The following COP1 variants were observed in gnomAD, a reference collection of about 807,000 sequenced individuals.
COP1 encodes the protein COP1 E3 ubiquitin ligase.
In COP1, 24 loss-of-function variants were observed where a neutral mutation model predicts 101.3. The observed-to-expected ratio is 0.24, with a 90% CI of 0.17 to 0.33. COP1 has a LOEUF of 0.33. Among genes scored for constraint, COP1 ranks in the 10% least tolerant of loss-of-function variants. The pLI is 1.00. For missense variants in COP1, 663 were observed against 906.2 expected, an observed-to-expected ratio of 0.73 and a Z score of 3.45; for synonymous variants, 347 against 341.9, an observed-to-expected ratio of 1.01 and a Z score of -0.17.
intron 11 of COP1, 74 bp from the exon 12 acceptor site, chr1:176,046,398 A>C (rs1036413213): frequency 7.2e-7 from 1 of 1,383,968 alleles, no homozygotes; most frequent in African/African-American, 1.5e-5. Flanking sequence ...TTCGGTCTAC[A>C]AGGATAAAAG....
chr1:176,181,679 A>G (rs1325165488), intron 2 of COP1, among the ~76,000 whole-genome samples: 1 of 152,040 alleles, frequency 6.6e-6, no homozygotes, highest in Non-Finnish European at 1.5e-5. Context: ...GTCTCTACTA[A>G]AAGTACAAAA....
intron 11 of COP1, among the ~76,000 whole-genome samples, chr1:176,058,052 C>T (rs1239460971): frequency 2.5e-4 from 37 of 148,070 alleles, no homozygotes; most frequent in African/African-American, 8.1e-4. Context: ...GGAGGCCCTC[C>T]GCCCGGCAGC....
intron 14 of COP1, among the ~76,000 whole-genome samples, chr1:176,042,445 C>A (rs1289392901): frequency 6.7e-6 from 1 of 149,088 alleles, no homozygotes; most frequent in African/African-American, 2.5e-5. Flanking sequence ...TGGCTGTAAT[C>A]CCAGCCACTC....
rs1402238556 is a variant in COP1, at chr1:175,944,954, G to C, written c.*199C>G. 3 of 555,724 alleles carry C rather than the reference G, an allele frequency of 5.4e-6. No individual in the cohort carries two copies. The African/African-American group carries it at 6.0e-5, about 11-fold the overall frequency. 34.4% of individuals were successfully genotyped at this position (555,724 alleles called of 1,614,324 possible). On this transcript the variant is annotated 3_prime_UTR_variant, in exon 20 of 20. Transcript: ENST00000367669. Reference sequence around the variant, plus strand: ...TGTCCATGGAGTTACATTGATGGTGGAGAGTTGGCTGGGTATTCCCAATGT... The same window carrying C: ...TGTCCATGGAGTTACATTGATGGTGCAGAGTTGGCTGGGTATTCCCAATGT...
chr1:176,143,512 A>C lies in COP1; in HGVS notation c.831+5494T>G, dbSNP rs1691066728. ...ATTTCCCAACACATTTGATAAAGCTAGCATAATCTTTATAGCAAAACTGGA... is the reference window on the plus strand; with the variant it reads ...ATTTCCCAACACATTTGATAAAGCTCGCATAATCTTTATAGCAAAACTGGA... On this transcript the variant is annotated intron_variant, in intron 6 of 19. Transcript: ENST00000367669. 2.0e-5 allele frequency among the ~76,000 whole-genome samples: 3 copies of C among 152,296 alleles called. No individual in the cohort carries two copies. The South Asian group carries it at 6.2e-4, about 32-fold the overall frequency.
intron 11 of COP1, among the ~76,000 whole-genome samples, chr1:176,058,166 C>T (rs1272575115): frequency 1.6e-4 from 11 of 69,602 alleles, no homozygotes; most frequent in Admixed American, 5.9e-4. Flanking sequence ...CCCGGCCAGC[C>T]GCCCCGCCCG....
At chr1:176,162,798 A>G (rs1694534345) in intron 5 of COP1, 71 bp downstream of exon 5, 4 of 1,360,092 alleles carry the variant, frequency 2.9e-6, no homozygotes, top group Non-Finnish European at 4.0e-6. Context: ...TTATTTTTAA[A>G]CTTTCTACGT....
intron 1 of COP1, among the ~76,000 whole-genome samples, chr1:176,202,623 A>G (rs1318057828): frequency 6.6e-6 from 1 of 151,710 alleles, no homozygotes; most frequent in African/African-American, 2.4e-5. Context: ...GCTTGAGCCC[A>G]GGAGTTTGAG....
At chr1:176,130,984 C>T (rs1450680036) in intron 8 of COP1, among the ~76,000 whole-genome samples, 1 of 151,600 alleles carries the variant, frequency 6.6e-6, no homozygotes, top group Non-Finnish European at 1.5e-5. Context: ...AAGACTTCAC[C>T]CTAGGACCCT....
Position 176,099,503 on chromosome 1 carries a change from TTGTC to T in COP1, c.1027-13617_1027-13614del, listed in dbSNP as rs1258092287. On this transcript the variant is annotated intron_variant, in intron 9 of 19. Transcript: ENST00000367669. ...CCTGTGAAAAAAATTTGGAGCATAT[TTGTC>T]TCTCTCTCTCTCTCTCTCTCTCTCT... Among the ~76,000 whole-genome samples, 31 of 94,760 alleles carry T rather than the reference TTGTC, an allele frequency of 3.3e-4. No individual in the cohort carries two copies. In the East Asian group the frequency reaches 0.011, roughly 34 times the overall value. The allele number at this position is 94,760 out of a possible 152,430, so 62.2% of individuals were successfully genotyped here. A position where few individuals can be genotyped will look rare whatever the true frequency, so the allele number is the denominator to read the frequency against.
rs1368818018 is a variant in COP1, at chr1:176,146,500, GCTTT to G, written c.831+2502_831+2505del. The stretch of plus-strand genomic sequence containing the variant: ...ACTTCTGTCTTCAATATCCTCTCTT[GCTTT>G]CTTACTTGTTCCTTTTGAGAGGCAG... On this transcript the variant is annotated intron_variant, in intron 6 of 19. Transcript: ENST00000367669. Among the ~76,000 whole-genome samples the G allele has an allele frequency of 8.5e-5, 13 of 152,308 alleles. No individual in the cohort carries two copies. In the East Asian group the frequency reaches 2.1e-3, roughly 25 times the overall value.
rs560593515 is a variant in COP1 at position 176,201,943 on chromosome 1, T to G, written c.407+4629A>C. On this transcript the variant is annotated intron_variant, in intron 1 of 19. Coordinates refer to ENST00000367669, the MANE Select transcript of COP1 (RefSeq NM_022457.7). ...ATAAATGCTGGTTTATTCCAGTAAC[T>G]GAACATGCTTTTAACAGCTCTTTAA... is the stretch of plus-strand genomic sequence containing the variant. 4.6e-5 allele frequency among the ~76,000 whole-genome samples: 7 copies of G among 152,224 alleles called. 1 individual carries two copies. Among genetic ancestry groups the G allele is most frequent in the Non-Finnish European group, 8.8e-5 (6 of 68,026 alleles).
At chr1:176,086,382 C>T (rs182817061) in intron 9 of COP1, among the ~76,000 whole-genome samples, 261 of 151,994 alleles carry the variant, frequency 1.7e-3, no homozygotes, top group African/African-American at 6.0e-3. Flanking sequence ...CCCGCCACCA[C>T]GCCCAGCTAA....
chr1:176,141,896 A>T (rs1278240242), intron 6 of COP1, among the ~76,000 whole-genome samples: 1 of 151,846 alleles, frequency 6.6e-6, no homozygotes, highest in African/African-American at 2.4e-5. Flanking sequence ...ATGCTCCACG[A>T]ATTTTTTTTT....
chr1:176,070,417 C>T (rs926095923), intron 11 of COP1, among the ~76,000 whole-genome samples: 1 of 151,130 alleles, frequency 6.6e-6, no homozygotes, highest in Non-Finnish European at 1.5e-5. Context: ...AATCCCAGCA[C>T]TTTGGGAGGC....
At chr1:176,062,902 T>C (rs998437118) in intron 11 of COP1, among the ~76,000 whole-genome samples, 2 of 152,262 alleles carry the variant, frequency 1.3e-5, no homozygotes, top group Admixed American at 1.3e-4. Flanking sequence ...AAAGAACATA[T>C]ACTGTATGGT....
chr1:176,179,924 T>C (rs1239005461), intron 2 of COP1, among the ~76,000 whole-genome samples: 1 of 151,514 alleles, frequency 6.6e-6, no homozygotes, highest in Non-Finnish European at 1.5e-5. Flanking sequence ...GTTCAAGTGA[T>C]TTTTCTGCAT....
rs369887649 is a variant in COP1, at chr1:176,028,696, C to CATATATATATATATATATATAT, written c.1613-1030_1613-1009dup. 4.2e-3 allele frequency among the ~76,000 whole-genome samples: 201 copies of CATATATATATATATATATATAT among 47,842 alleles called. 12 individuals carry two copies. Among genetic ancestry groups the CATATATATATATATATATATAT allele is most frequent in the South Asian group, 9.2e-3 (8 of 874 alleles). The allele number at this position is 47,842 out of a possible 152,430, so 31.4% of individuals were successfully genotyped here. On this transcript the variant is annotated intron_variant, in intron 14 of 19. Coordinates refer to ENST00000367669, the MANE Select transcript of COP1 (RefSeq NM_022457.7). Reference sequence around the variant, plus strand: ...CTGGAGCTAGGTGGTATATTTGTTTCATATATATATATATATATATATATA... The same window carrying CATATATATATATATATATATAT: ...CTGGAGCTAGGTGGTATATTTGTTTCATATATATATATATATATATATATATATATATATATATATATATATA...
chr1:175,988,432 G>GT lies in COP1; in HGVS notation c.1848-21dup. ...GTTGAGCTGAGGAAAAGTACAAAGAGTAAGAACTTACTTAAAATTTCTTGG... is the reference window on the plus strand; with the variant it reads ...GTTGAGCTGAGGAAAAGTACAAAGAGTTAAGAACTTACTTAAAATTTCTTGG... On this transcript the variant is annotated intron_variant, in intron 16 of 19. Transcript: ENST00000367669. 6.4e-7 allele frequency: 1 copy of GT among 1,560,492 alleles called. No homozygotes were observed. The highest frequency in any genetic ancestry group is 8.7e-7 in the Non-Finnish European group (1 of 1,149,434).
Sources: allele counts gnomAD v4.1 joint callset (sites outside exome capture counted in the v4.1 genomes callset), GRCh38; gene constraint gnomAD v4.1.1; transcripts MANE v1.5; gene names NCBI Gene and HGNC (gene_info 2026-07-23, HGNC 2026-07-21).